EFNA5: variants seen among roughly 807,000 people sequenced by gnomAD.
EFNA5 encodes ephrin-A5.
Under a neutral mutation model 22.9 loss-of-function variants are expected in EFNA5, and 5 were observed. The observed-to-expected ratio is 0.22, with a 90% CI of 0.11 to 0.46. The LOEUF (loss-of-function observed/expected upper bound fraction) is 0.46. Ranked by LOEUF, EFNA5 falls within the 20% of genes least tolerant of loss-of-function variation. The pLI is 0.99. For missense variants in EFNA5, 237 were observed against 293.3 expected, an observed-to-expected ratio of 0.81 and a Z score of 1.40; for synonymous variants, 113 against 112.2, an observed-to-expected ratio of 1.01 and a Z score of -0.04.
At chr5:107,382,461 C>A (rs1312321826) in intron 4 of EFNA5, among the ~76,000 whole-genome samples, 2 of 152,144 alleles carry the variant, frequency 1.3e-5, no homozygotes, top group African/African-American at 2.4e-5. Flanking sequence ...TAGTCTTGAC[C>A]TCCTGGGCTC....
At chr5:107,542,356 T>C (rs547112053) in intron 1 of EFNA5, among the ~76,000 whole-genome samples, 1 of 152,300 alleles carries the variant, frequency 6.6e-6, no homozygotes, top group South Asian at 2.1e-4. Flanking sequence ...CAGTGAGAAT[T>C]TCCTGTGGAA....
chr5:107,490,066 G>C (rs1298527981), intron 1 of EFNA5, among the ~76,000 whole-genome samples: 2 of 152,118 alleles, frequency 1.3e-5, no homozygotes, highest in Non-Finnish European at 2.9e-5. Context: ...ATCTTTCCTT[G>C]GCAGCTTGCT....
intron 1 of EFNA5, among the ~76,000 whole-genome samples, chr5:107,536,245 A>C (rs78101101): frequency 6.6e-6 from 1 of 152,196 alleles, no homozygotes; most frequent in African/African-American, 2.4e-5. Context: ...GAAATCTTCA[A>C]ATAATCTGCT....
chr5:107,445,820 C>T (rs1749373882), intron 1 of EFNA5, among the ~76,000 whole-genome samples: 1 of 152,304 alleles, frequency 6.6e-6, no homozygotes, highest in Admixed American at 6.5e-5. Flanking sequence ...TGGCACCTGG[C>T]TTTTTCAGCA....
At chr5:107,388,813 A>T (rs1747710237) in intron 2 of EFNA5, among the ~76,000 whole-genome samples, 1 of 152,218 alleles carries the variant, frequency 6.6e-6, no homozygotes, top group Non-Finnish European at 1.5e-5. Context: ...TAGTTTGGCA[A>T]TACCCAAAGT....
chr5:107,492,828 G>A (rs1218375837), intron 1 of EFNA5, among the ~76,000 whole-genome samples: 2 of 151,978 alleles, frequency 1.3e-5, no homozygotes, highest in African/African-American at 2.4e-5. Flanking sequence ...GTGAAACCTC[G>A]TCTCTACTAA....
intron 2 of EFNA5, 54 bp downstream of exon 2, chr5:107,427,163 T>G: frequency 6.3e-7 from 1 of 1,598,180 alleles, no homozygotes; most frequent in Non-Finnish European, 8.6e-7. Flanking sequence ...GGGTAAAAAA[T>G]TAGTCTGGGT....
intron 1 of EFNA5, among the ~76,000 whole-genome samples, chr5:107,451,995 C>T (rs1749571140): frequency 6.6e-6 from 1 of 152,084 alleles, no homozygotes; most frequent in East Asian, 1.9e-4. Flanking sequence ...CAATGATAGA[C>T]AGGATAAAGA....
At chr5:107,510,377 G>C (rs1413467129) in intron 1 of EFNA5, among the ~76,000 whole-genome samples, 3 of 152,154 alleles carry the variant, frequency 2.0e-5, no homozygotes, top group African/African-American at 7.2e-5. Flanking sequence ...TCCACTCTCT[G>C]TTTAGCCTAT....
chr5:107,639,884 CAT>C (rs773706060), intron 1 of EFNA5, among the ~76,000 whole-genome samples: 9 of 152,188 alleles, frequency 5.9e-5, no homozygotes, highest in Non-Finnish European at 1.2e-4. Flanking sequence ...AGTTTGATCC[CAT>C]AATCCTAATA....
intron 2 of EFNA5, among the ~76,000 whole-genome samples, chr5:107,389,413 T>C (rs1561365333): frequency 2.0e-5 from 3 of 152,214 alleles, no homozygotes; most frequent in African/African-American, 4.8e-5. Context: ...AGGGAGTATA[T>C]GTCTTATTCA....
intron 2 of EFNA5, among the ~76,000 whole-genome samples, chr5:107,410,627 C>T (rs904147798): frequency 2.0e-4 from 30 of 152,072 alleles, no homozygotes; most frequent in African/African-American, 7.0e-4. Flanking sequence ...GAAGAATTAA[C>T]AATACACAGT....
At chr5:107,511,857 T>C (rs1747376744) in intron 1 of EFNA5, among the ~76,000 whole-genome samples, 1 of 152,128 alleles carries the variant, frequency 6.6e-6, no homozygotes, top group Admixed American at 6.5e-5. Flanking sequence ...GTAGACATGG[T>C]TTGTTCAAAG....
intron 1 of EFNA5, among the ~76,000 whole-genome samples, chr5:107,452,500 G>C (rs1749587389): frequency 6.6e-6 from 1 of 152,022 alleles, no homozygotes; most frequent in South Asian, 2.1e-4. Flanking sequence ...GAGACTAGAG[G>C]ATCACTTGAG....
chr5:107,637,525 T>TGC (rs1750402189), intron 1 of EFNA5, among the ~76,000 whole-genome samples: 1 of 151,646 alleles, frequency 6.6e-6, no homozygotes, highest in Non-Finnish European at 1.5e-5. Context: ...TGTCTGTGTG[T>TGC]GTGTGTGTGT....
chr5:107,447,586 GA>G (rs1749429956), intron 1 of EFNA5, among the ~76,000 whole-genome samples: 2 of 152,158 alleles, frequency 1.3e-5, no homozygotes, highest in Admixed American at 1.3e-4. Flanking sequence ...ATAAATGTAA[GA>G]GAAACGTCTA....
intron 1 of EFNA5, among the ~76,000 whole-genome samples, chr5:107,552,349 T>G (rs1389770845): frequency 6.6e-6 from 1 of 152,222 alleles, no homozygotes; most frequent in African/African-American, 2.4e-5. Context: ...ATTATATGCT[T>G]GGCATCATGC....
At chr5:107,412,733 CTGAT>C (rs1474013022) in intron 2 of EFNA5, among the ~76,000 whole-genome samples, 1 of 152,146 alleles carries the variant, frequency 6.6e-6, no homozygotes, top group Non-Finnish European at 1.5e-5. Flanking sequence ...AGTGAGTAGA[CTGAT>C]TATTTCTTCA....
At chr5:107,406,112 G>A in intron 2 of EFNA5, among the ~76,000 whole-genome samples, 2 of 135,954 alleles carry the variant, frequency 1.5e-5, no homozygotes, top group Admixed American at 7.3e-5. Context: ...CATATTCTAT[G>A]TATTTATATA....
Sources: gnomAD v4.1 joint callset for allele counts (sites outside exome capture counted in the v4.1 genomes callset) on GRCh38, gnomAD v4.1.1 for gene constraint, MANE v1.5 for transcripts, NCBI Gene and HGNC (gene_info 2026-07-23, HGNC 2026-07-21) for gene names.